GLIS3: variants seen among roughly 807,000 people sequenced by gnomAD.
GLIS3 encodes the protein GLIS family zinc finger 3.
GLIS3 carries 53 observed loss-of-function variants against 78.6 expected under a neutral mutation model. The ratio of observed to expected loss-of-function variants is 0.67; its 90% confidence interval spans 0.54 to 0.85. The LOEUF is 0.85. Among genes scored for constraint, GLIS3 ranks in the 40% least tolerant of loss-of-function variants. The pLI, the probability that GLIS3 is intolerant of heterozygous loss-of-function variation, is 0.00. For missense variants in GLIS3, 1,703 were observed against 1,231.1 expected (o/e 1.38, Z -5.74); for synonymous variants, 684 against 509.9 (o/e 1.34, Z -4.60).
At chr9:4,443,427 T>A in the GLIS3 span, among the ~76,000 whole-genome samples, 1 of 152,162 alleles carries the variant, frequency 6.6e-6, no homozygotes, top group Non-Finnish European at 1.5e-5. Flanking sequence ...CAAAAATGAA[T>A]GAATGAATGA....
chr9:4,399,792 G>C, the GLIS3 span, among the ~76,000 whole-genome samples: 2 of 152,158 alleles, frequency 1.3e-5, no homozygotes, highest in African/African-American at 4.8e-5. Context: ...CTACAGAAGA[G>C]GCATCTAACC....
chr9:4,117,429 T>A (rs1218131639), intron 4 of GLIS3, among the ~76,000 whole-genome samples: 1 of 152,240 alleles, frequency 6.6e-6, no homozygotes, highest in Non-Finnish European at 1.5e-5. Context: ...AGCTTGCTGA[T>A]GTGCAATCTG....
intron 6 of GLIS3, among the ~76,000 whole-genome samples, chr9:3,926,232 TG>T (rs1224505164): frequency 3.0e-4 from 35 of 118,238 alleles, no homozygotes; most frequent in Middle Eastern, 4.0e-3. Flanking sequence ...CTTTTTCTTT[TG>T]TTTTTTTTTT....
intron 2 of GLIS3, among the ~76,000 whole-genome samples, chr9:4,236,985 G>A (rs956802860): frequency 6.6e-6 from 1 of 151,960 alleles, no homozygotes; most frequent in Admixed American, 6.6e-5. Context: ...ACTAAATCTA[G>A]GGAATCCTTC....
intron 2 of GLIS3, among the ~76,000 whole-genome samples, chr9:4,189,565 C>T (rs997195120): frequency 6.6e-6 from 1 of 152,092 alleles, no homozygotes; most frequent in Admixed American, 6.6e-5. Context: ...CTTTCTGTCT[C>T]GTTGATCTGT....
At chr9:3,936,488 C>A (rs1459889214) in intron 5 of GLIS3, among the ~76,000 whole-genome samples, 8 of 152,092 alleles carry the variant, frequency 5.3e-5, no homozygotes, top group Non-Finnish European at 2.9e-5. Context: ...GAAAGATTTA[C>A]TGTTTCTTCT....
chr9:4,338,210 A>C (rs1457879478), intron 2 of GLIS3, among the ~76,000 whole-genome samples: 1 of 152,164 alleles, frequency 6.6e-6, no homozygotes, highest in African/African-American at 2.4e-5. Flanking sequence ...TGCTGCTGCT[A>C]TGTGTTGGCA....
intron 2 of GLIS3, among the ~76,000 whole-genome samples, chr9:4,258,408 G>A (rs1825186131): frequency 6.6e-6 from 1 of 152,154 alleles, no homozygotes; most frequent in Non-Finnish European, 1.5e-5. Flanking sequence ...AGACGGTATT[G>A]GGAAATACCT....
At chr9:4,408,749 T>C in the GLIS3 span, among the ~76,000 whole-genome samples, 2 of 111,652 alleles carry the variant, frequency 1.8e-5, no homozygotes, top group African/African-American at 3.9e-5. Context: ...AAAAAAAAAA[T>C]AGAGAGAATG....
At chr9:4,175,105 T>A (rs532927674) in intron 2 of GLIS3, among the ~76,000 whole-genome samples, 1 of 152,170 alleles carries the variant, frequency 6.6e-6, no homozygotes, top group Non-Finnish European at 1.5e-5. Flanking sequence ...GTTTCCTCAA[T>A]AGTTATTTCC....
chr9:4,081,592 T>A (rs1039534263), intron 4 of GLIS3, among the ~76,000 whole-genome samples: 1 of 152,136 alleles, frequency 6.6e-6, no homozygotes, highest in African/African-American at 2.4e-5. Flanking sequence ...TGTAAAGCCC[T>A]CCCAACTAGT....
At chr9:4,045,110 G>C (rs1825136657) in intron 4 of GLIS3, among the ~76,000 whole-genome samples, 1 of 152,154 alleles carries the variant, frequency 6.6e-6, no homozygotes, top group Non-Finnish European at 1.5e-5. Context: ...AGCACCTAGA[G>C]TTGCCTTAGA....
chr9:4,013,274 C>A (rs1173209905), intron 4 of GLIS3, among the ~76,000 whole-genome samples: 2 of 152,164 alleles, frequency 1.3e-5, no homozygotes, highest in Admixed American at 1.3e-4. Context: ...ACGTGACAGA[C>A]TTTTAGACAG....
At chr9:4,056,534 T>C (rs1724110274) in intron 4 of GLIS3, among the ~76,000 whole-genome samples, 1 of 152,144 alleles carries the variant, frequency 6.6e-6, no homozygotes, top group Non-Finnish European at 1.5e-5. Context: ...ATGCCAGCTT[T>C]GCAGGAGACT....
At chr9:4,365,689 T>C in the GLIS3 span, among the ~76,000 whole-genome samples, 2 of 152,244 alleles carry the variant, frequency 1.3e-5, no homozygotes, top group African/African-American at 4.8e-5. Flanking sequence ...TCTGAAAAAC[T>C]GGATGACTAC....
At chr9:4,384,482 C>CTT in the GLIS3 span, among the ~76,000 whole-genome samples, 4 of 151,296 alleles carry the variant, frequency 2.6e-5, no homozygotes, top group African/African-American at 2.4e-5. Context: ...GTTTCTTTTT[C>CTT]TCTTTCTTTC....
At chr9:3,948,763 T>C (rs889268815) in intron 4 of GLIS3, among the ~76,000 whole-genome samples, 2 of 152,202 alleles carry the variant, frequency 1.3e-5, no homozygotes, top group Non-Finnish European at 2.9e-5. Flanking sequence ...ATTATTTCCA[T>C]AAAAAGTAAA....
In GLIS3 at chr9:4,218,327, A is replaced by G. The variant is rs578255174; in HGVS notation, c.388+67711T>C. ...GAGATGGAGTCTCGCTCTGTCGCCC[A>G]CAGTGCAGTGGTGCGATCTCGGCTC... On this transcript the variant is annotated intron_variant, in intron 2 of 10. Coordinates refer to ENST00000381971, the MANE Select transcript of GLIS3 (RefSeq NM_001042413.2). 5.9e-5 allele frequency among the ~76,000 whole-genome samples: 9 copies of G among 151,880 alleles called. No individual in the cohort carries two copies. The South Asian group carries it at 1.9e-3, about 32-fold the overall frequency.
At chr9:4,457,522 T>A in the GLIS3 span, among the ~76,000 whole-genome samples, 1 of 152,014 alleles carries the variant, frequency 6.6e-6, no homozygotes, top group Non-Finnish European at 1.5e-5. Context: ...GACACATACA[T>A]CTTTGGGCCC....
Sources: gnomAD v4.1 joint callset for allele counts (sites outside exome capture counted in the v4.1 genomes callset) on GRCh38, gnomAD v4.1.1 for gene constraint, MANE v1.5 for transcripts, NCBI Gene and HGNC (gene_info 2026-07-23, HGNC 2026-07-21) for gene names.